The following SLCO1B1 variants were observed in gnomAD, a reference collection of about 807,000 sequenced individuals.
The protein encoded by SLCO1B1 is OATP-2.
Under a neutral mutation model 70.1 loss-of-function variants are expected in SLCO1B1, and 81 were observed. That is an observed-to-expected ratio of 1.16 (90% CI 0.97 to 1.39). SLCO1B1 has a LOEUF of 1.39. Ranked by LOEUF, SLCO1B1 falls within the 40% of genes most tolerant of loss-of-function variation. The probability of loss-of-function intolerance (pLI) is 0.00; values close to 1 mark genes in which losing one functional copy is unlikely to be tolerated. For synonymous variants in SLCO1B1, 283 were observed against 271.5 expected (o/e 1.04, Z -0.42); for missense variants, 895 against 799.6 (o/e 1.12, Z -1.44).
Position 21,178,878 on chromosome 12 carries a change from A to G in SLCO1B1, c.629-44A>G, listed in dbSNP as rs369275644. The G allele has an allele frequency of 2.4e-5, 34 of 1,437,838 alleles. No individual in the cohort carries two copies. In the African/African-American group the frequency reaches 4.2e-4, roughly 18 times the overall value. 89.1% of individuals were successfully genotyped at this position (1,437,838 alleles called of 1,614,324 possible). A position where few individuals can be genotyped will look rare whatever the true frequency, so the allele number is the denominator to read the frequency against. ...TTTAAAAACATGGTGAATAAGAACC[A>G]TGCATTCTTGGCATCTAGTAAAATT... is the stretch of plus-strand genomic sequence containing the variant. On this transcript the variant is annotated intron_variant, in intron 6 of 14. Coordinates refer to ENST00000256958, the MANE Select transcript of SLCO1B1 (RefSeq NM_006446.5).
chr12:21,176,803 CAA>C lies in SLCO1B1; in HGVS notation c.388_389del (p.Asn130PhefsTer15). ...YYRYSKETNI[N>X]SSENSTSTLS... ...ACAGGTATTCTAAAGAAACTAATAT[CAA>C]TTCATCAGAAAATTCAACATCGACC... On this transcript the variant is annotated frameshift_variant, in exon 5 of 15. Coordinates refer to ENST00000256958, the MANE Select transcript of SLCO1B1 (RefSeq NM_006446.5). LOFTEE classifies it high-confidence loss of function. 1 of 1,539,988 alleles carries C rather than the reference CAA, an allele frequency of 6.5e-7. No individual in the cohort carries two copies. The highest frequency in any genetic ancestry group is 9.0e-7 in the Non-Finnish European group (1 of 1,113,692).
chr12:21,175,265 C>G (rs997041438), intron 4 of SLCO1B1, among the ~76,000 whole-genome samples: 4 of 152,024 alleles, frequency 2.6e-5, no homozygotes, highest in African/African-American at 9.7e-5. Context: ...GCTTCATGAT[C>G]CAAATTGTGG....
At position 21,178,949 on chromosome 12, in the gene SLCO1B1, G is replaced by C. The variant is rs1940857697; in HGVS notation, c.656G>C (p.Gly219Ala). The change falls in exon 7 of 15, where the codon GGT (glycine) becomes GCT (alanine). Residue 219 changes from glycine (G) to alanine (A), a missense_variant. Physicochemically the swap from Gly to Ala is moderately conservative, Grantham distance 60 (BLOSUM62 0). Transcript: ENST00000256958. ...LGILNAIAMIGPIIGFTLGSL... is the reference protein window; with the variant it reads ...LGILNAIAMIAPIIGFTLGSL... The stretch of plus-strand genomic sequence containing the variant: ...ATATTGAATGCAATAGCAATGATTG[G>C]TCCAATCATTGGCTTTACCCTGGGA... 6.2e-7 allele frequency: 1 copy of C among 1,611,622 alleles called. No individual in the cohort carries two copies. The highest frequency in any genetic ancestry group is 2.2e-5 in the East Asian group (1 of 44,762).
In SLCO1B1 at chr12:21,177,062, A is replaced by T. The variant is rs4149044; in HGVS notation, c.481+165A>T. On this transcript the variant is annotated intron_variant, in intron 5 of 14. Transcript: ENST00000256958. ...TAGTGTTAATATACACAGTTCGCCCATTAACAACACAGGTTTAAACTACGC... is the reference window on the plus strand; with the variant it reads ...TAGTGTTAATATACACAGTTCGCCCTTTAACAACACAGGTTTAAACTACGC... Among the ~76,000 whole-genome samples, 47,700 of 152,064 alleles carry T rather than the reference A, an allele frequency of 0.31. 8,969 individuals are homozygous for T. The highest frequency in any genetic ancestry group is 0.51 in the African/African-American group (21,335 of 41,490).
chr12:21,136,527 T>C (rs987773683), intron 1 of SLCO1B1, among the ~76,000 whole-genome samples: 7 of 152,160 alleles, frequency 4.6e-5, no homozygotes, highest in African/African-American at 1.7e-4. Context: ...GCTTTGTTCG[T>C]TTCTTTTTAT....
intron 12 of SLCO1B1, among the ~76,000 whole-genome samples, chr12:21,219,266 CT>C (rs1239350926): frequency 1.3e-5 from 2 of 152,104 alleles, no homozygotes; most frequent in African/African-American, 4.8e-5. Context: ...TTTGGAAGTC[CT>C]TTGAGTAAAG....
chr12:21,155,333 A>T (rs1305683082), intron 2 of SLCO1B1, among the ~76,000 whole-genome samples: 1 of 151,934 alleles, frequency 6.6e-6, no homozygotes, highest in Non-Finnish European at 1.5e-5. Context: ...AAGCCCATAT[A>T]TTATTTTATA....
chr12:21,199,792 T>G (rs958104835), intron 8 of SLCO1B1, among the ~76,000 whole-genome samples: 4 of 142,396 alleles, frequency 2.8e-5, no homozygotes, highest in Non-Finnish European at 6.0e-5. Flanking sequence ...TGGGTTTTTT[T>G]GTTTGTTTGT....
At chr12:21,176,038 G>T (rs1940815101) in intron 4 of SLCO1B1, among the ~76,000 whole-genome samples, 1 of 151,964 alleles carries the variant, frequency 6.6e-6, no homozygotes, top group South Asian at 2.1e-4. Context: ...TCATGTTGAT[G>T]TCTTCTCTGA....
intron 12 of SLCO1B1, among the ~76,000 whole-genome samples, chr12:21,218,476 T>A (rs1326673337): frequency 6.6e-6 from 1 of 151,868 alleles, no homozygotes; most frequent in Non-Finnish European, 1.5e-5. Flanking sequence ...AAAAAAAGCA[T>A]TTTTAACATT....
At chr12:21,180,181 A>T (rs1940877300) in intron 7 of SLCO1B1, among the ~76,000 whole-genome samples, 1 of 151,942 alleles carries the variant, frequency 6.6e-6, no homozygotes, top group South Asian at 2.1e-4. Context: ...CTTACCTCCA[A>T]CCCCACTGTA....
chr12:21,200,507 G>A lies in SLCO1B1; in HGVS notation c.971-1G>A. ...TTTTCTTTATTTTTACAATTTTACA[G>A]GTTTTTTCCAGTCTTTTAAAAGCAT... On this transcript the variant is annotated splice_acceptor_variant, in intron 8 of 14. Coordinates refer to ENST00000256958, the MANE Select transcript of SLCO1B1 (RefSeq NM_006446.5). LOFTEE classifies it high-confidence loss of function. 1.3e-6 allele frequency: 2 copies of A among 1,555,554 alleles called. No individual in the cohort carries two copies. The highest frequency in any genetic ancestry group is 1.7e-6 in the Non-Finnish European group (2 of 1,149,200).
chr12:21,150,865 G>A (rs1940462188), intron 2 of SLCO1B1, among the ~76,000 whole-genome samples: 1 of 152,122 alleles, frequency 6.6e-6, no homozygotes, highest in African/African-American at 2.4e-5. Flanking sequence ...ACAACATATA[G>A]TTGGTTCTTG....
intron 7 of SLCO1B1, among the ~76,000 whole-genome samples, chr12:21,196,381 A>T (rs937051104): frequency 6.6e-5 from 10 of 152,278 alleles, no homozygotes; most frequent in African/African-American, 2.4e-4. Context: ...AAATGGTTAA[A>T]TTATCCTTAA....
At chr12:21,224,136 A>G (rs529730994) in intron 13 of SLCO1B1, among the ~76,000 whole-genome samples, 3 of 152,282 alleles carry the variant, frequency 2.0e-5, no homozygotes, top group South Asian at 2.1e-4. Context: ...CTCTAATGAC[A>G]TCAATAAGTG....
chr12:21,160,495 A>AC (rs1308317321), intron 2 of SLCO1B1, among the ~76,000 whole-genome samples: 2 of 151,398 alleles, frequency 1.3e-5, no homozygotes, highest in African/African-American at 4.9e-5. Flanking sequence ...ATTATAAAAA[A>AC]GGAAAAAAAA....
chr12:21,151,279 T>G lies in SLCO1B1; in HGVS notation c.84+9621T>G, dbSNP rs12306098. 8.8e-4 allele frequency among the ~76,000 whole-genome samples: 134 copies of G among 152,314 alleles called. 1 individual carries two copies. The highest frequency in any genetic ancestry group is 3.0e-3 in the African/African-American group (123 of 41,558). On this transcript the variant is annotated intron_variant, in intron 2 of 14. Coordinates refer to ENST00000256958, the MANE Select transcript of SLCO1B1 (RefSeq NM_006446.5). ...TCCAACATTGACTTAAATGTCATTA[T>G]GACATGTGTGACTGTAGTTAGATTA...
At chr12:21,138,804 C>T (rs1441857864) in intron 1 of SLCO1B1, among the ~76,000 whole-genome samples, 1 of 152,094 alleles carries the variant, frequency 6.6e-6, no homozygotes, top group Non-Finnish European at 1.5e-5. Flanking sequence ...TTGAAAGAAA[C>T]ATACAAGAGG....
At chr12:21,199,662 G>A (rs3919879) in intron 8 of SLCO1B1, among the ~76,000 whole-genome samples, 1,539 of 151,974 alleles carry the variant, frequency 0.01, 36 homozygotes, top group South Asian at 0.039. Flanking sequence ...TGTGAGTTTT[G>A]AATTATGCTG....
Sources: allele counts gnomAD v4.1 joint callset (sites outside exome capture counted in the v4.1 genomes callset), GRCh38; gene constraint gnomAD v4.1.1; transcripts MANE v1.5; gene names NCBI Gene and HGNC (gene_info 2026-07-23, HGNC 2026-07-21).